PRKCQ: variants seen among roughly 807,000 people sequenced by gnomAD.
PRKCQ encodes the protein protein kinase C theta.
In PRKCQ, 41 loss-of-function variants were observed where a neutral mutation model predicts 91.2. The ratio of observed to expected loss-of-function variants is 0.45; its 90% CI spans 0.35 to 0.58. The LOEUF is 0.58. Ranked by LOEUF, PRKCQ falls within the 20% of genes least tolerant of loss-of-function variation. PRKCQ has a pLI of 0.00. For synonymous variants in PRKCQ, 307 were observed against 316.9 expected, an observed-to-expected ratio of 0.97 and a Z score of 0.33; for missense variants, 673 against 896.5, an observed-to-expected ratio of 0.75 and a Z score of 3.18.
At chr10:6,458,756 C>T (rs7918923) in intron 14 of PRKCQ, among the ~76,000 whole-genome samples, 8,844 of 152,178 alleles carry the variant, frequency 0.058, 573 homozygotes, top group East Asian at 0.35. Context: ...ATGAGAATCA[C>T]GTGAAAGCAT....
intron 3 of PRKCQ, among the ~76,000 whole-genome samples, chr10:6,507,923 C>T (rs561505625): frequency 3.2e-4 from 48 of 152,154 alleles, no homozygotes; most frequent in South Asian, 1.9e-3. Context: ...TCTTTGAGGC[C>T]GCCTCCAGGC....
intron 16 of PRKCQ, among the ~76,000 whole-genome samples, chr10:6,434,437 G>C (rs1009253794): frequency 6.6e-6 from 1 of 152,204 alleles, no homozygotes. Context: ...CCAGCTCTGA[G>C]CGTCAATATT....
intron 2 of PRKCQ, among the ~76,000 whole-genome samples, 172 bp downstream of exon 2, chr10:6,514,846 C>G (rs542189176): frequency 6.6e-6 from 1 of 152,278 alleles, no homozygotes; most frequent in Admixed American, 6.5e-5. Context: ...GAGTCCATCA[C>G]GAAATGTGTG....
At chr10:6,450,432 A>C (rs1312640719) in intron 15 of PRKCQ, among the ~76,000 whole-genome samples, 1 of 152,222 alleles carries the variant, frequency 6.6e-6, no homozygotes, top group Non-Finnish European at 1.5e-5. Flanking sequence ...TCATAAAGCA[A>C]GTCCTGAGTG....
At chr10:6,556,022 A>C (rs1840399038) in intron 1 of PRKCQ, among the ~76,000 whole-genome samples, 1 of 152,068 alleles carries the variant, frequency 6.6e-6, no homozygotes, top group South Asian at 2.1e-4. Flanking sequence ...AAACCAACAA[A>C]CAACAACAAC....
intron 1 of PRKCQ, among the ~76,000 whole-genome samples, chr10:6,521,413 T>C (rs1838998054): frequency 6.6e-6 from 1 of 152,190 alleles, no homozygotes; most frequent in Admixed American, 6.5e-5. Flanking sequence ...ATCGATGCCC[T>C]CATACACTGA....
intron 16 of PRKCQ, among the ~76,000 whole-genome samples, chr10:6,439,528 A>ACCTC (rs1419059185): frequency 6.6e-6 from 1 of 151,232 alleles, no homozygotes; most frequent in East Asian, 1.9e-4. Flanking sequence ...CCTCCCTTCC[A>ACCTC]CCTCCTCCAC....
the PRKCQ span, among the ~76,000 whole-genome samples, chr10:6,405,517 G>A: frequency 6.6e-6 from 1 of 152,184 alleles, no homozygotes; most frequent in African/African-American, 2.4e-5. Context: ...ATTACCCAGT[G>A]CTATTGGCAT....
chr10:6,475,316 C>A (rs1170947351), intron 12 of PRKCQ, among the ~76,000 whole-genome samples: 1 of 152,180 alleles, frequency 6.6e-6, no homozygotes, highest in Non-Finnish European at 1.5e-5. Flanking sequence ...AAAGTGGGTG[C>A]CTCAGAGCCC....
At chr10:6,496,344 C>T (rs1358499065) in intron 7 of PRKCQ, among the ~76,000 whole-genome samples, 1 of 152,100 alleles carries the variant, frequency 6.6e-6, no homozygotes, top group Admixed American at 6.5e-5. Context: ...CAGTTTCCCC[C>T]CTCCATTAGG....
In PRKCQ at chr10:6,572,130, C is replaced by T. The variant is rs543991187; in HGVS notation, c.-10+8081G>A. ...GCATGACCAACGACTGCCTTCCCAT[C>T]GCTCCCTCTTCCTTCTAGCCCCTGA... is the stretch of plus-strand genomic sequence containing the variant. On this transcript the variant is annotated intron_variant, in intron 1 of 17. Coordinates refer to ENST00000263125, the MANE Select transcript of PRKCQ (RefSeq NM_006257.5). Among the ~76,000 whole-genome samples, 167 of 152,322 alleles carry T rather than the reference C, an allele frequency of 1.1e-3. 1 individual carries two copies. The highest frequency in any genetic ancestry group is 3.9e-3 in the African/African-American group (161 of 41,566).
intron 12 of PRKCQ, among the ~76,000 whole-genome samples, chr10:6,469,225 C>T (rs923575943): frequency 5.9e-5 from 9 of 152,310 alleles, no homozygotes; most frequent in African/African-American, 2.2e-4. Flanking sequence ...GCTCTACATT[C>T]CTATATGTTC....
In PRKCQ at chr10:6,465,082, G is replaced by T. The variant is rs1489350363; in HGVS notation, c.1354-678C>A. ...TTGTATACTTATTGAAAGTGACAGG[G>T]TGCAGGGTGATAAGGAGAATGTGTT... On this transcript the variant is annotated intron_variant, in intron 12 of 17. Coordinates refer to ENST00000263125, the MANE Select transcript of PRKCQ (RefSeq NM_006257.5). The surrounding 1 kb of genome is among the most constrained non-coding windows in gnomAD (Gnocchi z 4.4). Among the ~76,000 whole-genome samples, 1 of 152,170 alleles carries T rather than the reference G, an allele frequency of 6.6e-6. No homozygotes were observed. Among genetic ancestry groups the T allele is most frequent in the Non-Finnish European group, 1.5e-5 (1 of 68,022 alleles).
intron 16 of PRKCQ, among the ~76,000 whole-genome samples, chr10:6,440,116 G>T (rs1833895362): frequency 6.6e-6 from 1 of 152,156 alleles, no homozygotes; most frequent in East Asian, 1.9e-4. Context: ...CTGCTGCCCT[G>T]TGAAGAGGTG....
At chr10:6,544,180 T>C (rs10796257) in intron 1 of PRKCQ, among the ~76,000 whole-genome samples, 141,628 of 152,222 alleles carry the variant, frequency 0.93, 66,186 homozygotes, top group East Asian at 1. Flanking sequence ...ATTTTACCAA[T>C]GGGGAAAATC....
intron 15 of PRKCQ, among the ~76,000 whole-genome samples, chr10:6,453,052 C>T (rs1213132312): frequency 6.6e-6 from 1 of 151,956 alleles, no homozygotes; most frequent in Non-Finnish European, 1.5e-5. Context: ...GCAATGGCAA[C>T]AAAAGCCAAA....
At chr10:6,560,241 T>C (rs1382268016) in intron 1 of PRKCQ, among the ~76,000 whole-genome samples, 4 of 152,198 alleles carry the variant, frequency 2.6e-5, no homozygotes, top group Non-Finnish European at 4.4e-5. Context: ...CTGTGTCCCC[T>C]AAGATCCTAG....
At chr10:6,577,253 T>A (rs1210415371) in intron 1 of PRKCQ, among the ~76,000 whole-genome samples, 2 of 152,174 alleles carry the variant, frequency 1.3e-5, no homozygotes, top group African/African-American at 4.8e-5. Flanking sequence ...GACAGAGCAA[T>A]CAGAATTTGA....
At chr10:6,550,030 G>C (rs1840123157) in intron 1 of PRKCQ, among the ~76,000 whole-genome samples, 1 of 152,102 alleles carries the variant, frequency 6.6e-6, no homozygotes, top group Non-Finnish European at 1.5e-5. Context: ...CATCTTGCAA[G>C]TCTGAAATTC....
Sources: allele counts gnomAD v4.1 joint callset (sites outside exome capture counted in the v4.1 genomes callset), GRCh38; gene constraint gnomAD v4.1.1; non-coding constraint Gnocchi (gnomAD v3.1); transcripts MANE v1.5; gene names NCBI Gene and HGNC (gene_info 2026-07-23, HGNC 2026-07-21).